Variants in SHROOM3 observed in about 807,000 individuals in gnomAD.
The protein encoded by SHROOM3 is protein Shroom3.
Under a neutral mutation model 138.6 loss-of-function variants are expected in SHROOM3, and 47 were observed. The ratio of observed to expected loss-of-function variants is 0.34; its 90% CI spans 0.27 to 0.43. The LOEUF is 0.43. Among genes scored for constraint, SHROOM3 ranks in the 20% least tolerant of loss-of-function variants. The probability of loss-of-function intolerance (pLI) is 1.00; values close to 1 mark genes in which losing one functional copy is unlikely to be tolerated. For missense variants in SHROOM3, 2,491 were observed against 2,596.5 expected (o/e 0.96, Z 0.88); for synonymous variants, 1,062 against 1,063.3 (o/e 1.00, Z 0.02).
rs571608025 is a variant in SHROOM3, at chr4:76,715,556, T to C, written c.455+5269T>C. On this transcript the variant is annotated intron_variant, in intron 3 of 10. Transcript: ENST00000296043. ...AACTGAAGATTTTCCAAGCCGATGC[T>C]TTTCTCCATAAGCTTCTCATTCCTT... 2.1e-4 allele frequency among the ~76,000 whole-genome samples: 32 copies of C among 152,364 alleles called. No homozygotes were observed. The East Asian group carries it at 6.0e-3, about 28-fold the overall frequency.
At chr4:76,566,121 A>G (rs1479299196) in intron 2 of SHROOM3, among the ~76,000 whole-genome samples, 1 of 151,930 alleles carries the variant, frequency 6.6e-6, no homozygotes, top group African/African-American at 2.4e-5. Context: ...AAAAAAAAAA[A>G]AAAAAAAAAT....
intron 2 of SHROOM3, among the ~76,000 whole-genome samples, chr4:76,675,740 CACTT>C (rs1329707115): frequency 1.3e-5 from 2 of 152,284 alleles, no homozygotes; most frequent in Non-Finnish European, 2.9e-5. Context: ...CCTGTAGTCT[CACTT>C]ACTCAGGAGT....
chr4:76,579,957 T>C (rs1734016414), intron 2 of SHROOM3, among the ~76,000 whole-genome samples: 1 of 152,238 alleles, frequency 6.6e-6, no homozygotes. Context: ...CCCCGCATCA[T>C]GTGCTGACTG....
chr4:76,775,918 A>G (rs34992898), intron 10 of SHROOM3, among the ~76,000 whole-genome samples: 10,500 of 151,682 alleles, frequency 0.069, 465 homozygotes, highest in East Asian at 0.16. Context: ...TGCAGTTGCA[A>G]ATTGTGCTGC....
At chr4:76,620,070 C>CAAAAAAAAAAAAAA (rs68039696) in intron 2 of SHROOM3, among the ~76,000 whole-genome samples, 7 of 61,040 alleles carry the variant, frequency 1.1e-4, no homozygotes, top group Non-Finnish European at 1.9e-4. Flanking sequence ...GAATCTATCT[C>CAAAAAAAAAAAAAA]AAAAAAAAAA....
chr4:76,476,069 G>A (rs1277143634), intron 1 of SHROOM3, among the ~76,000 whole-genome samples: 2 of 152,168 alleles, frequency 1.3e-5, no homozygotes, highest in African/African-American at 2.4e-5. Flanking sequence ...CTGATGAACT[G>A]CATGGGCATA....
rs866130313 is a variant in SHROOM3, at chr4:76,741,460, A to G, written c.3287A>G (p.Lys1096Arg). ...GACTACATCCAGCGCAAGACCGGCA[A>G]GCGGCCTACCTCCGCCGCCGGCTGC... ...LADYIQRKTG[K>R]RPTSAAGCSL... The change falls in exon 5 of 11, where the codon AAG (lysine) becomes AGG (arginine). Residue 1096 changes from lysine (K) to arginine (R), a missense_variant. Around this residue, in one of 4 missense-constraint regions of SHROOM3, gnomAD observed 1,733 missense variants for 1,661.6 expected, o/e 1.04. Coordinates refer to ENST00000296043, the MANE Select transcript of SHROOM3 (RefSeq NM_020859.4). This position sits in a 1 kb window ranked among gnomAD's most constrained non-coding sequence, Gnocchi z 6.2. 1.3e-6 allele frequency: 2 copies of G among 1,574,246 alleles called. No individual in the cohort carries two copies. The highest frequency in any genetic ancestry group is 3.6e-5 in the Admixed American group (2 of 55,348).
intron 1 of SHROOM3, among the ~76,000 whole-genome samples, chr4:76,529,004 C>T (rs1041813748): frequency 6.6e-6 from 1 of 152,224 alleles, no homozygotes; most frequent in African/African-American, 2.4e-5. Context: ...AGGTATCTAT[C>T]CTCACTGCCA....
chr4:76,608,658 TAGCATAGCAC>T lies in SHROOM3; in HGVS notation c.323+52910_323+52919del, dbSNP rs879610832. ...TAGCATAGCATAGCATAGCATAGCATAGCATAGCACAGCATAGCACAGCACAGCACAGCAC... is the reference window on the plus strand; with the variant it reads ...TAGCATAGCATAGCATAGCATAGCATAGCATAGCACAGCACAGCACAGCAC... On this transcript the variant is annotated intron_variant, in intron 2 of 10. Coordinates refer to ENST00000296043, the MANE Select transcript of SHROOM3 (RefSeq NM_020859.4). 2.3e-4 allele frequency among the ~76,000 whole-genome samples: 9 copies of T among 38,984 alleles called. 1 individual carries two copies. Among genetic ancestry groups the T allele is most frequent in the African/African-American group, 4.5e-4 (8 of 17,656 alleles). The allele number at this position is 38,984 out of a possible 152,430, so 25.6% of individuals were successfully genotyped here.
chr4:76,778,934 G>A lies in SHROOM3; in HGVS notation c.5748G>A (p.Glu1916=). ...LGILANYLSE[E]QLQDYQHFVK... ...TCTTGGCCAATTACCTTTCAGAGGA[G>A]CAGCTCCAGGACTACCAGCACTTCG... Residue 1916 remains glutamate (E), a synonymous_variant, in exon 11 of 11, where the codon GAG becomes GAA. Coordinates refer to ENST00000296043, the MANE Select transcript of SHROOM3 (RefSeq NM_020859.4). The A allele has an allele frequency of 6.2e-7, 1 of 1,613,938 alleles. No individual in the cohort carries two copies. The highest frequency in any genetic ancestry group is 8.5e-7 in the Non-Finnish European group (1 of 1,180,038).
intron 1 of SHROOM3, among the ~76,000 whole-genome samples, chr4:76,456,912 T>C (rs1373787647): frequency 6.6e-6 from 1 of 152,162 alleles, no homozygotes; most frequent in African/African-American, 2.4e-5. Context: ...ACAAAGTACA[T>C]TCTCAAGGGT....
At chr4:76,502,850 C>G (rs1157552991) in intron 1 of SHROOM3, among the ~76,000 whole-genome samples, 21 of 152,150 alleles carry the variant, frequency 1.4e-4, no homozygotes, top group Non-Finnish European at 4.4e-5. Flanking sequence ...CGTTTTTTCT[C>G]TCGTATGGCT....
chr4:76,775,604 T>C (rs1347256732), intron 10 of SHROOM3, among the ~76,000 whole-genome samples: 3 of 151,892 alleles, frequency 2.0e-5, no homozygotes, highest in East Asian at 2.0e-4. Flanking sequence ...CTCATATTTA[T>C]AGCAGTACAA....
At chr4:76,745,258 TAGAGACAGAA>T (rs1721398979) in intron 5 of SHROOM3, among the ~76,000 whole-genome samples, 1 of 152,234 alleles carries the variant, frequency 6.6e-6, no homozygotes, top group Non-Finnish European at 1.5e-5. Context: ...ATTTCTGCCT[TAGAGACAGAA>T]ATGTATATCT....
intron 2 of SHROOM3, among the ~76,000 whole-genome samples, chr4:76,694,657 T>C (rs967928931): frequency 2.0e-5 from 3 of 152,318 alleles, no homozygotes; most frequent in African/African-American, 7.2e-5. Context: ...ATCTGCAAGA[T>C]GGTGATAATG....
chr4:76,717,665 A>G (rs953847624), intron 3 of SHROOM3, among the ~76,000 whole-genome samples: 1 of 152,082 alleles, frequency 6.6e-6, no homozygotes, highest in Non-Finnish European at 1.5e-5. Flanking sequence ...AAATCTCTGT[A>G]CCTTCCACTC....
chr4:76,521,279 TATATGTGTGTGTGTGCGCAC>T (rs1159378224), intron 1 of SHROOM3, among the ~76,000 whole-genome samples: 2 of 77,678 alleles, frequency 2.6e-5, no homozygotes, highest in Non-Finnish European at 4.9e-5. Context: ...TGTGTGTATG[TATATGTGTGTGTGTGCGCAC>T]ATATGTGTGT....
intron 1 of SHROOM3, among the ~76,000 whole-genome samples, chr4:76,455,977 C>T (rs1006316166): frequency 6.6e-6 from 1 of 152,072 alleles, no homozygotes; most frequent in Non-Finnish European, 1.5e-5. Context: ...TGCATATAAT[C>T]TACACATATC....
intron 2 of SHROOM3, among the ~76,000 whole-genome samples, chr4:76,561,432 G>A (rs959327828): frequency 2.0e-5 from 3 of 152,086 alleles, no homozygotes; most frequent in African/African-American, 7.2e-5. Context: ...GGTGGCTAGC[G>A]TGAGAATCTA....
Sources: allele counts gnomAD v4.1 joint callset (sites outside exome capture counted in the v4.1 genomes callset), GRCh38; gene constraint gnomAD v4.1.1; regional missense constraint gnomAD v4.1.1; non-coding constraint Gnocchi (gnomAD v3.1); transcripts MANE v1.5; gene names NCBI Gene and HGNC (gene_info 2026-07-23, HGNC 2026-07-21).